The following C1GALT1 variants were observed in gnomAD, a reference collection of about 807,000 sequenced individuals.
The protein encoded by C1GALT1 is core 1 synthase, glycoprotein-N-acetylgalactosamine 3-beta-galactosyltransferase 1.
In C1GALT1, 11 loss-of-function variants were observed where a neutral mutation model predicts 31.0. The observed-to-expected ratio is 0.36, with a 90% CI of 0.22 to 0.59. C1GALT1 has a LOEUF of 0.59. C1GALT1 is among the 20% of genes least tolerant of loss of function. The pLI is 0.79. For synonymous variants in C1GALT1, 175 were observed against 143.6 expected (o/e 1.22, Z -1.56); for missense variants, 424 against 425.2 (o/e 1.00, Z 0.03).
chr7:7,188,865 A>C (rs770962489), intron 1 of C1GALT1, among the ~76,000 whole-genome samples: 10 of 152,182 alleles, frequency 6.6e-5, no homozygotes, highest in Non-Finnish European at 1.3e-4. Context: ...GATAAGCATG[A>C]TCTCTGATGT....
chr7:7,238,661 A>G lies in C1GALT1; in HGVS notation c.627A>G (p.Gly209=), dbSNP rs760429285. 6 of 1,614,138 alleles carry G rather than the reference A, an allele frequency of 3.7e-6. No individual in the cohort carries two copies. The highest frequency in any genetic ancestry group is 5.1e-6 in the Non-Finnish European group (6 of 1,179,992). Residue 209 remains glycine (G), a synonymous_variant, in exon 3 of 4, where the codon GGA becomes GGG. Transcript: ENST00000436587. This position sits in a 1 kb window ranked among gnomAD's most constrained non-coding sequence, Gnocchi z 5.2. ...KPYVKQGYMS[G]GAGYVLSKEA... Reference sequence around the variant, plus strand: ...ATGTAAAGCAGGGCTACATGAGTGGAGGAGCAGGATATGTACTAAGCAAAG... The same window carrying G: ...ATGTAAAGCAGGGCTACATGAGTGGGGGAGCAGGATATGTACTAAGCAAAG...
chr7:7,243,472 T>C (rs1783716698), intron 3 of C1GALT1, 52 bp from the exon 4 acceptor site: 2 of 1,353,418 alleles, frequency 1.5e-6, no homozygotes, highest in Non-Finnish European at 2.0e-6. Context: ...GTAAATATTG[T>C]AGCTAGCAAT....
intron 2 of C1GALT1, among the ~76,000 whole-genome samples, chr7:7,162,076 T>C (rs1013497489): frequency 1.4e-4 from 21 of 151,328 alleles, no homozygotes; most frequent in African/African-American, 4.4e-4. Flanking sequence ...TCTTTTTTTT[T>C]TTCTTTTTTT....
At chr7:7,198,631 C>T (rs1050643739) in intron 1 of C1GALT1, among the ~76,000 whole-genome samples, 1 of 152,280 alleles carries the variant, frequency 6.6e-6, no homozygotes, top group Admixed American at 6.5e-5. Context: ...CTTTGTACCT[C>T]TGGTAGAATT....
chr7:7,216,048 T>G (rs1782224823), intron 1 of C1GALT1, among the ~76,000 whole-genome samples: 1 of 152,008 alleles, frequency 6.6e-6, no homozygotes. Context: ...AAGATCTGAG[T>G]TGATCTTACA....
intron 1 of C1GALT1, among the ~76,000 whole-genome samples, chr7:7,217,294 C>G (rs756747920): frequency 1.3e-5 from 2 of 152,058 alleles, no homozygotes; most frequent in African/African-American, 4.8e-5. Context: ...AGAAGCTCCC[C>G]CATACAGAGC....
chr7:7,228,068 G>C (rs117820490), intron 1 of C1GALT1, among the ~76,000 whole-genome samples: 1 of 152,154 alleles, frequency 6.6e-6, no homozygotes, highest in Non-Finnish European at 1.5e-5. Flanking sequence ...GGGAATACTA[G>C]TCCGTACTTT....
chr7:7,237,254 A>G (rs191104366), intron 2 of C1GALT1, among the ~76,000 whole-genome samples: 1 of 152,336 alleles, frequency 6.6e-6, no homozygotes, highest in African/African-American at 2.4e-5. Flanking sequence ...CTCATCTAGA[A>G]TCTCATCATT....
At chr7:7,181,270 A>AAGGATATTGCGGAAAGGTGGT (rs1562555770), upstream of C1GALT1, among the ~76,000 whole-genome samples, 100 of 152,226 alleles carry the variant, frequency 6.6e-4, no homozygotes, top group African/African-American at 2.3e-3. Flanking sequence ...GGAAAGGTGG[A>AAGGATATTGCGGAAAGGTGGT]GGGGGAGGAG....
At chr7:7,164,895 GT>G (rs1780375685) in intron 2 of C1GALT1, among the ~76,000 whole-genome samples, 1 of 152,108 alleles carries the variant, frequency 6.6e-6, no homozygotes, top group Non-Finnish European at 1.5e-5. Flanking sequence ...AACCATTACA[GT>G]GTTCACCTTG....
chr7:7,173,050 G>C (rs920093730), intron 2 of C1GALT1, among the ~76,000 whole-genome samples: 1 of 152,058 alleles, frequency 6.6e-6, no homozygotes, highest in African/African-American at 2.4e-5. Context: ...ATGCACTTAA[G>C]GTTTGATATA....
intron 1 of C1GALT1, among the ~76,000 whole-genome samples, chr7:7,232,480 G>A (rs1380414623): frequency 2.3e-5 from 3 of 129,674 alleles, no homozygotes; most frequent in Non-Finnish European, 3.1e-5. Flanking sequence ...TGGAAAGGGC[G>A]TGGGTTTTTT....
At chr7:7,227,047 TTC>T (rs773953908) in intron 1 of C1GALT1, among the ~76,000 whole-genome samples, 1 of 152,122 alleles carries the variant, frequency 6.6e-6, no homozygotes, top group African/African-American at 2.4e-5. Context: ...TCCAACTCCT[TTC>T]TGTTTTTTTG....
At chr7:7,230,403 T>C (rs7791957) in intron 1 of C1GALT1, among the ~76,000 whole-genome samples, 83,338 of 151,820 alleles carry the variant, frequency 0.55, 24,746 homozygotes, top group African/African-American at 0.78. Context: ...TATGGTATAT[T>C]TTTCTATTAT....
chr7:7,172,249 A>T (rs559303648), intron 2 of C1GALT1, among the ~76,000 whole-genome samples: 2 of 152,236 alleles, frequency 1.3e-5, no homozygotes, highest in East Asian at 1.9e-4. Context: ...ATTTTCTTTC[A>T]CCCACTTAAA....
At chr7:7,219,529 T>C (rs939239598) in intron 1 of C1GALT1, among the ~76,000 whole-genome samples, 2 of 152,264 alleles carry the variant, frequency 1.3e-5, no homozygotes, top group East Asian at 1.9e-4. Context: ...GCCTTAAAAA[T>C]TTTTCAGTTT....
At chr7:7,206,690 AG>A (rs200067512) in intron 1 of C1GALT1, among the ~76,000 whole-genome samples, 18,214 of 136,272 alleles carry the variant, frequency 0.13, 1,274 homozygotes, top group East Asian at 0.35. Context: ...AAAAAAAAAA[AG>A]AAGAGAATGT....
Position 7,207,335 on chromosome 7 carries a change from C to CTTTTTTTTTTTTTTTTTTTTTTTTTTTTT in C1GALT1, c.-18+24517_-18+24545dup, listed in dbSNP as rs57510429. Among the ~76,000 whole-genome samples, 62 of 48,006 alleles carry CTTTTTTTTTTTTTTTTTTTTTTTTTTTTT rather than the reference C, an allele frequency of 1.3e-3. 26 individuals carry two copies. The highest frequency in any genetic ancestry group is 2.7e-3 in the South Asian group (3 of 1,128). The allele number at this position is 48,006 out of a possible 152,430, so 31.5% of individuals were successfully genotyped here. The stretch of plus-strand genomic sequence containing the variant: ...TCTCTGTGTTTCTCTTACTCTGTTG[C>CTTTTTTTTTTTTTTTTTTTTTTTTTTTTT]TTTTTTTTTTTTTTTTTTTTTTTTT... On this transcript the variant is annotated intron_variant, in intron 1 of 3. Transcript: ENST00000436587.
rs776536050 is a variant in C1GALT1, at chr7:7,234,496, A to C, written c.177A>C (p.Leu59=). 1 of 1,613,702 alleles carries C rather than the reference A, an allele frequency of 6.2e-7. No homozygotes were observed. The highest frequency in any genetic ancestry group is 8.5e-7 in the Non-Finnish European group (1 of 1,179,646). Residue 59 remains leucine, a synonymous_variant, in exon 2 of 4, where the codon CTA becomes CTC. Coordinates refer to ENST00000436587, the MANE Select transcript of C1GALT1 (RefSeq NM_020156.5). ...CAGATGATAATGGACAGAATCATCT[A>C]GAAGGACAAATGAACTTCAATGCAG... The part of the protein sequence containing the change: ...RHSDDNGQNH[L]EGQMNFNADS...
Sources: gnomAD v4.1 joint callset for allele counts (sites outside exome capture counted in the v4.1 genomes callset) on GRCh38, gnomAD v4.1.1 for gene constraint, Gnocchi (gnomAD v3.1) non-coding constraint, MANE v1.5 for transcripts, NCBI Gene and HGNC (gene_info 2026-07-23, HGNC 2026-07-21) for gene names.